The following GNA14 variants were observed in gnomAD, a reference collection of about 807,000 sequenced individuals.
GNA14 encodes guanine nucleotide-binding protein subunit alpha-14.
In GNA14, 50 loss-of-function variants were observed where a neutral mutation model predicts 42.0. The ratio of observed to expected loss-of-function variants is 1.19; its 90% CI spans 0.95 to 1.51. The LOEUF is 1.51. GNA14 is among the 40% of genes most tolerant of loss of function. The pLI, the probability that GNA14 is intolerant of heterozygous loss-of-function variation, is 0.00. For synonymous variants in GNA14, 173 were observed against 163.1 expected (o/e 1.06, Z -0.46); for missense variants, 473 against 446.2 (o/e 1.06, Z -0.54).
At chr9:77,639,620 TAGC>T (rs991760164) in intron 1 of GNA14, among the ~76,000 whole-genome samples, 1 of 152,136 alleles carries the variant, frequency 6.6e-6, no homozygotes, top group African/African-American at 2.4e-5. Context: ...TATAAGTGTC[TAGC>T]AGCAGCAGCA....
At chr9:77,485,023 G>C (rs977237839) in intron 2 of GNA14, among the ~76,000 whole-genome samples, 2 of 152,104 alleles carry the variant, frequency 1.3e-5, no homozygotes, top group African/African-American at 2.4e-5. Flanking sequence ...TAAAGGTTGA[G>C]GTGATTGTGA....
chr9:77,566,344 A>G (rs1455966067), intron 1 of GNA14, among the ~76,000 whole-genome samples: 1 of 151,568 alleles, frequency 6.6e-6, no homozygotes, highest in Non-Finnish European at 1.5e-5. Flanking sequence ...TAGTAGAAAC[A>G]GGGTCTCGCC....
rs540885614 is a variant in GNA14 at position 77,437,263 on chromosome 9, G to A, written c.310-2741C>T. Among the ~76,000 whole-genome samples, 12 of 152,284 alleles carry A rather than the reference G, an allele frequency of 7.9e-5. No individual in the cohort carries two copies. In the South Asian group the frequency reaches 1.9e-3, roughly 24 times the overall value. On this transcript the variant is annotated intron_variant, in intron 2 of 6. Transcript: ENST00000341700. The stretch of plus-strand genomic sequence containing the variant: ...TGTCTCTTTTGAAAATAAACATTAC[G>A]GCCAAGTGCAGTGGCTCACGCCTGT...
intron 2 of GNA14, among the ~76,000 whole-genome samples, chr9:77,492,240 C>T (rs760340534): frequency 6.6e-6 from 1 of 151,486 alleles, no homozygotes; most frequent in African/African-American, 2.4e-5. Flanking sequence ...TAGTGATGCA[C>T]CTCAAAGCAA....
In GNA14 at chr9:77,524,821, T is replaced by G. The variant is rs547266597; in HGVS notation, c.309+4248A>C. ...ATAAAAAAAATGAGCTTATTTCTGA[T>G]TTTTGAACCTGCCCCAATAATAACC... On this transcript the variant is annotated intron_variant, in intron 2 of 6. Coordinates refer to ENST00000341700, the MANE Select transcript of GNA14 (RefSeq NM_004297.4). Among the ~76,000 whole-genome samples, 3 of 152,318 alleles carry G rather than the reference T, an allele frequency of 2.0e-5. No homozygotes were observed. In the South Asian group the frequency reaches 6.2e-4, roughly 32 times the overall value.
rs953452643 is a variant in GNA14, at chr9:77,609,205, G to C, written c.124+38465C>G. Among the ~76,000 whole-genome samples, 9 of 152,198 alleles carry C rather than the reference G, an allele frequency of 5.9e-5. No homozygotes were observed. The East Asian group carries it at 1.7e-3, about 29-fold the overall frequency. On this transcript the variant is annotated intron_variant, in intron 1 of 6. Coordinates refer to ENST00000341700, the MANE Select transcript of GNA14 (RefSeq NM_004297.4). ...AATATCAACTTCACTGCCTGCACTG[G>C]AACACAAACACAATGCAATCTAGTG... is the stretch of plus-strand genomic sequence containing the variant.
intron 2 of GNA14, among the ~76,000 whole-genome samples, chr9:77,451,606 A>C (rs1430090377): frequency 7.2e-5 from 11 of 152,202 alleles, no homozygotes; most frequent in Admixed American, 7.2e-4. Context: ...CCTCAAAGGC[A>C]GTTATCCCCA....
In GNA14 at chr9:77,647,917, C is replaced by T. The variant is rs371439397; in HGVS notation, c.-124G>A. 1,309 of 1,195,510 alleles carry T rather than the reference C, an allele frequency of 1.1e-3. 3 individuals are homozygous for T. Among genetic ancestry groups the T allele is most frequent in the South Asian group, 1.7e-3 (123 of 70,772 alleles). The allele number at this position is 1,195,510 out of a possible 1,614,324, so 74.1% of individuals were successfully genotyped here. A position where few individuals can be genotyped will look rare whatever the true frequency, so the allele number is the denominator to read the frequency against. On this transcript the variant is annotated 5_prime_UTR_variant, in exon 1 of 7. Coordinates refer to ENST00000341700, the MANE Select transcript of GNA14 (RefSeq NM_004297.4). ...TGTGGAAAGAAAAGACGGGGGCCGA[C>T]TTGAGCTTTGGAGTAAGACGCCTGG...
At chr9:77,457,025 T>G (rs2131708205) in intron 2 of GNA14, among the ~76,000 whole-genome samples, 1 of 152,346 alleles carries the variant, frequency 6.6e-6, no homozygotes, top group Admixed American at 6.5e-5. Context: ...CGACGCCACG[T>G]AGTGGCAGCT....
At chr9:77,580,469 C>T in intron 1 of GNA14, 1 of 366,440 alleles carries the variant, frequency 2.7e-6, no homozygotes, top group Non-Finnish European at 5.6e-6. Context: ...GACAATTAGC[C>T]CACACCAGAT....
At chr9:77,558,719 G>A (rs1822829453) in intron 1 of GNA14, among the ~76,000 whole-genome samples, 1 of 152,256 alleles carries the variant, frequency 6.6e-6, no homozygotes, top group South Asian at 2.1e-4. Context: ...TAAAAGGCTA[G>A]GGTGGGGTAG....
chr9:77,500,206 C>T (rs561995886), intron 2 of GNA14, among the ~76,000 whole-genome samples: 39 of 151,880 alleles, frequency 2.6e-4, no homozygotes, highest in Non-Finnish European at 5.0e-4. Flanking sequence ...TCAGTAGAGA[C>T]GGGGTTTGAC....
rs540564425 is a variant in GNA14 at position 77,548,931 on chromosome 9, CTTTCTTTTTTTT to C, written c.125-19690_125-19679del. Among the ~76,000 whole-genome samples, 177 of 151,876 alleles carry C rather than the reference CTTTCTTTTTTTT, an allele frequency of 1.2e-3. 5 individuals are homozygous for C. Among genetic ancestry groups the C allele is most frequent in the Non-Finnish European group, 1.2e-3 (83 of 67,976 alleles). ...ACTCTTTACTATTTAATGAGAAAGC[CTTTCTTTTTTTT>C]TTTCTTTTTTTTTCTAAGACAGAGT... On this transcript the variant is annotated intron_variant, in intron 1 of 6. Transcript: ENST00000341700.
At chr9:77,452,572 A>G (rs78594437) in intron 2 of GNA14, among the ~76,000 whole-genome samples, 1,042 of 5,568 alleles carry the variant, frequency 0.19, 15 homozygotes, top group East Asian at 0.34. Context: ...GTGTGTGTGT[A>G]TGTGCATGTG....
intron 1 of GNA14, 23 bp downstream of exon 1, chr9:77,647,647 G>A: frequency 3.7e-6 from 6 of 1,601,228 alleles, no homozygotes; most frequent in Non-Finnish European, 5.1e-6. Context: ...CGGCTCACTG[G>A]AGTCGGAGAC....
At chr9:77,536,465 C>T (rs1837600363) in intron 1 of GNA14, among the ~76,000 whole-genome samples, 1 of 152,142 alleles carries the variant, frequency 6.6e-6, no homozygotes, top group Admixed American at 6.5e-5. Flanking sequence ...ATTCTTCTGC[C>T]TCAGCCTCCC....
chr9:77,632,883 T>C (rs1824121516), intron 1 of GNA14, among the ~76,000 whole-genome samples: 1 of 152,168 alleles, frequency 6.6e-6, no homozygotes, highest in African/African-American at 2.4e-5. Context: ...GCTGGTAATG[T>C]GAGCCAAGCA....
chr9:77,582,829 T>C (rs528029881), intron 1 of GNA14, among the ~76,000 whole-genome samples: 10 of 152,320 alleles, frequency 6.6e-5, no homozygotes, highest in African/African-American at 1.9e-4. Flanking sequence ...CCACAAGACA[T>C]TGAGCTCTGT....
At chr9:77,504,856 C>T (rs745863611) in intron 2 of GNA14, among the ~76,000 whole-genome samples, 77 of 151,682 alleles carry the variant, frequency 5.1e-4, no homozygotes, top group African/African-American at 1.1e-3. Flanking sequence ...TTAGTAGAGA[C>T]GGGGTTTCAT....
Sources: allele counts gnomAD v4.1 joint callset (sites outside exome capture counted in the v4.1 genomes callset), GRCh38; gene constraint gnomAD v4.1.1; transcripts MANE v1.5; gene names NCBI Gene and HGNC (gene_info 2026-07-23, HGNC 2026-07-21).